DMC1: variants seen among roughly 807,000 people sequenced by gnomAD.
DMC1 encodes the protein DNA meiotic recombinase 1.
In DMC1, 27 loss-of-function variants were observed where a neutral mutation model predicts 50.1. The ratio of observed to expected loss-of-function variants is 0.54; its 90% CI spans 0.40 to 0.74. The LOEUF (loss-of-function observed/expected upper bound fraction) is 0.74, where lower values mean the gene tolerates loss of function less well. Ranked by LOEUF, DMC1 falls within the 30% of genes least tolerant of loss-of-function variation. DMC1 has a pLI of 0.00. For missense variants in DMC1, 295 were observed against 420.2 expected, an observed-to-expected ratio of 0.70 and a Z score of 2.60; for synonymous variants, 148 against 136.1, an observed-to-expected ratio of 1.09 and a Z score of -0.61.
At chr22:38,556,942 C>T (rs188647838) in intron 5 of DMC1, among the ~76,000 whole-genome samples, 46 of 152,268 alleles carry the variant, frequency 3.0e-4, no homozygotes, top group African/African-American at 1.0e-3. Context: ...ACCTGCACAA[C>T]TTAAATCTAA....
chr22:38,537,642 C>T lies in DMC1; in HGVS notation c.786G>A (p.Val262=), dbSNP rs770468444. The T allele has an allele frequency of 8.1e-6, 13 of 1,613,558 alleles. No individual in the cohort carries two copies. In the South Asian group the frequency reaches 1.2e-4, roughly 15 times the overall value. ...RLQKISEEYN[V]AVFVTNQMTA... is the part of the protein sequence containing the mutation. ...TCATTTGATTGGTCACAAAAACAGC[C>T]ACGTTATATTCTGCATCAAGAGATA... The change falls in exon 12 of 14, where the codon GTG becomes GTA. Residue 262 remains valine, a synonymous_variant. Transcript: ENST00000216024.
At chr22:38,520,653 T>C (rs1331822285) in intron 13 of DMC1, among the ~76,000 whole-genome samples, 1 of 151,820 alleles carries the variant, frequency 6.6e-6, no homozygotes, top group East Asian at 1.9e-4. Context: ...CCACTGCGCC[T>C]GGCCAACTGG....
the DMC1 span, among the ~76,000 whole-genome samples, chr22:38,510,913 A>T: frequency 6.6e-6 from 1 of 152,188 alleles, no homozygotes; most frequent in Non-Finnish European, 1.5e-5. Flanking sequence ...GCTTTGTGTT[A>T]CTTGTAGCTG....
chr22:38,546,627 T>C (rs2090347380), intron 8 of DMC1, among the ~76,000 whole-genome samples: 1 of 152,218 alleles, frequency 6.6e-6, no homozygotes, highest in South Asian at 2.1e-4. Flanking sequence ...AACAGTTCTC[T>C]GTTTTGTTTT....
chr22:38,555,512 C>G, intron 5 of DMC1, 103 bp from the exon 6 acceptor site: 1 of 746,534 alleles, frequency 1.3e-6, no homozygotes, highest in Non-Finnish European at 2.4e-6. Context: ...ATGTATCTAT[C>G]TATCTATTCT....
intron 12 of DMC1, among the ~76,000 whole-genome samples, chr22:38,522,992 C>T (rs1322244958): frequency 6.6e-6 from 1 of 152,162 alleles, no homozygotes; most frequent in South Asian, 2.1e-4. Flanking sequence ...TCTGTAGTCC[C>T]AGCTACTTGA....
intron 4 of DMC1, among the ~76,000 whole-genome samples, chr22:38,566,217 T>G (rs1423274394): frequency 1.4e-5 from 2 of 143,312 alleles, no homozygotes; most frequent in East Asian, 2.0e-4. Flanking sequence ...GAGGTTGCAG[T>G]GAGCTGAGAT....
intron 12 of DMC1, among the ~76,000 whole-genome samples, chr22:38,523,163 A>G (rs1355720730): frequency 6.6e-6 from 1 of 152,230 alleles, no homozygotes; most frequent in Non-Finnish European, 1.5e-5. Flanking sequence ...GGAGTGAACC[A>G]CTATCAAGAA....
At chr22:38,538,688 G>T in intron 9 of DMC1, 76 bp from the exon 10 acceptor site, 2 of 1,273,746 alleles carry the variant, frequency 1.6e-6, no homozygotes, top group Non-Finnish European at 2.3e-6. Context: ...ATTCTTGGGA[G>T]CCAGGCAAAA....
At chr22:38,569,541 C>CT (rs2090617037) in intron 1 of DMC1, among the ~76,000 whole-genome samples, 1 of 152,166 alleles carries the variant, frequency 6.6e-6, no homozygotes, top group Non-Finnish European at 1.5e-5. Flanking sequence ...ATGAGTACCC[C>CT]AATTCCACAT....
chr22:38,546,202 C>G (rs962756906), intron 8 of DMC1: 2 of 152,250 alleles, frequency 1.3e-5, no homozygotes, highest in Non-Finnish European at 2.9e-5. Flanking sequence ...ACCAGCCCGA[C>G]CAACATGGAG....
At chr22:38,510,970 G>A in the DMC1 span, among the ~76,000 whole-genome samples, 1 of 152,178 alleles carries the variant, frequency 6.6e-6, no homozygotes, top group Admixed American at 6.5e-5. Context: ...TCTAATACAA[G>A]TACAAAATCT....
Position 38,567,566 on chromosome 22 carries a change from A to G in DMC1, c.96+17T>C. On this transcript the variant is annotated intron_variant, in intron 3 of 13. Transcript: ENST00000216024. ...CCTGAATCAGACAATTTAACACAGC[A>G]TTGAAAAACTACTTACAATTCCATG... 1 of 1,588,206 alleles carries G rather than the reference A, an allele frequency of 6.3e-7. No individual in the cohort carries two copies. The highest frequency in any genetic ancestry group is 1.3e-5 in the African/African-American group (1 of 74,460).
intron 8 of DMC1, among the ~76,000 whole-genome samples, chr22:38,547,604 G>C (rs886752585): frequency 6.6e-6 from 1 of 151,706 alleles, no homozygotes; most frequent in Non-Finnish European, 1.5e-5. Context: ...GCAATGGCAC[G>C]ATCTCGGCTC....
the DMC1 span, among the ~76,000 whole-genome samples, chr22:38,509,650 A>G: frequency 6.6e-6 from 1 of 151,798 alleles, no homozygotes. Flanking sequence ...AAATTGTGAG[A>G]GGCCTATGTA....
At chr22:38,567,334 C>T (rs989556925) in intron 3 of DMC1, among the ~76,000 whole-genome samples, 25 of 152,330 alleles carry the variant, frequency 1.6e-4, no homozygotes, top group Non-Finnish European at 2.9e-4. Context: ...ATTCCAGTCG[C>T]CTGACATATA....
chr22:38,544,792 ATTT>A (rs71197118), intron 8 of DMC1, among the ~76,000 whole-genome samples: 1 of 143,432 alleles, frequency 7.0e-6, no homozygotes, highest in Admixed American at 7.0e-5. Flanking sequence ...TGCCCGGCTA[ATTT>A]TTTTTTTTTT....
chr22:38,546,671 T>C (rs1273968423), intron 8 of DMC1, among the ~76,000 whole-genome samples: 4 of 152,184 alleles, frequency 2.6e-5, no homozygotes, highest in African/African-American at 4.8e-5. Context: ...AATTCTATAA[T>C]AGGTCAAGAA....
In DMC1 at chr22:38,567,567, T is replaced by C. The variant is rs753166967; in HGVS notation, c.96+16A>G. ...CTGAATCAGACAATTTAACACAGCA[T>C]TGAAAAACTACTTACAATTCCATGT... On this transcript the variant is annotated intron_variant, in intron 3 of 13. Coordinates refer to ENST00000216024, the MANE Select transcript of DMC1 (RefSeq NM_007068.4). 113 of 1,590,912 alleles carry C rather than the reference T, an allele frequency of 7.1e-5. No homozygotes were observed. Among genetic ancestry groups the C allele is most frequent in the Non-Finnish European group, 9.6e-5 (111 of 1,158,928 alleles).
Sources: allele counts gnomAD v4.1 joint callset (sites outside exome capture counted in the v4.1 genomes callset), GRCh38; gene constraint gnomAD v4.1.1; transcripts MANE v1.5; gene names NCBI Gene and HGNC (gene_info 2026-07-23, HGNC 2026-07-21).